SUDS3: variants seen among roughly 807,000 people sequenced by gnomAD.
SUDS3 encodes the protein sin3 histone deacetylase corepressor complex component SDS3.
In SUDS3, 23 loss-of-function variants were observed where a neutral mutation model predicts 53.5. That is an observed-to-expected ratio of 0.43 (90% CI 0.31 to 0.61). The LOEUF (loss-of-function observed/expected upper bound fraction) is 0.61, where lower values mean the gene tolerates loss of function less well. Ranked by LOEUF, SUDS3 falls within the 20% of genes least tolerant of loss-of-function variation. SUDS3 has a pLI of 0.10. For synonymous variants in SUDS3, 150 were observed against 148.5 expected (o/e 1.01, Z -0.08); for missense variants, 291 against 405.9 (o/e 0.72, Z 2.43).
intron 6 of SUDS3, among the ~76,000 whole-genome samples, chr12:118,395,288 C>T (rs1056968611): frequency 2.1e-4 from 30 of 143,700 alleles, no homozygotes; most frequent in Admixed American, 1.6e-3. Context: ...TGCAGTGGCG[C>T]GATCTCGGCT....
At chr12:118,386,284 T>C (rs2046114220) in intron 4 of SUDS3, 99 bp downstream of exon 4, 1 of 907,938 alleles carries the variant, frequency 1.1e-6, no homozygotes, top group Non-Finnish European at 1.7e-6. Context: ...CCAAAACATA[T>C]CCCAGATACT....
At chr12:118,379,039 T>G (rs1566194422) in intron 1 of SUDS3, among the ~76,000 whole-genome samples, 1 of 150,710 alleles carries the variant, frequency 6.6e-6, no homozygotes, top group Non-Finnish European at 1.5e-5. Context: ...CTGGAACTCC[T>G]GTCCTCAGGT....
At position 118,381,557 on chromosome 12, in the gene SUDS3, C is replaced by T. The variant is rs1272007648; in HGVS notation, c.212+1326C>T. ...GCCACCATGCCCGGCTAATAATTTT[C>T]GTATTTTTAATAGAGACGGGGTTTC... On this transcript the variant is annotated intron_variant, in intron 2 of 11. Coordinates refer to ENST00000543473, the MANE Select transcript of SUDS3 (RefSeq NM_022491.3). 3.3e-5 allele frequency among the ~76,000 whole-genome samples: 5 copies of T among 152,068 alleles called. No individual in the cohort carries two copies. In the South Asian group the frequency reaches 8.3e-4, roughly 25 times the overall value.
Position 118,376,681 on chromosome 12 carries a change from T to C in SUDS3, c.-11T>C, listed in dbSNP as rs1219891556. The C allele has an allele frequency of 6.7e-7, 1 of 1,488,186 alleles. No homozygotes were observed. Among genetic ancestry groups the C allele is most frequent in the South Asian group, 1.3e-5 (1 of 78,750 alleles). 92.2% of individuals were successfully genotyped at this position (1,488,186 alleles called of 1,614,324 possible). On this transcript the variant is annotated 5_prime_UTR_variant, in exon 1 of 12. Coordinates refer to ENST00000543473, the MANE Select transcript of SUDS3 (RefSeq NM_022491.3). Reference sequence around the variant, plus strand: ...GTCCGTGGGCCACGCTCAGCTGCGGTCAGAGGCGACATGAGTGCCGCGGGG... The same window carrying C: ...GTCCGTGGGCCACGCTCAGCTGCGGCCAGAGGCGACATGAGTGCCGCGGGG...
chr12:118,385,953 T>C (rs541713681), intron 3 of SUDS3, among the ~76,000 whole-genome samples, 161 bp from the exon 4 acceptor site: 2 of 152,356 alleles, frequency 1.3e-5, no homozygotes, highest in African/African-American at 4.8e-5. Context: ...TGGTTTCTGC[T>C]GTGTGCCTTG....
At chr12:118,399,816 T>G (rs2046248081) in intron 6 of SUDS3, among the ~76,000 whole-genome samples, 2 of 150,824 alleles carry the variant, frequency 1.3e-5, no homozygotes, top group African/African-American at 2.4e-5. Context: ...GAGAACTGAG[T>G]TTTTGTGGGG....
intron 11 of SUDS3, among the ~76,000 whole-genome samples, chr12:118,412,252 T>C (rs372027331): frequency 6.6e-6 from 1 of 152,214 alleles, no homozygotes; most frequent in African/African-American, 2.4e-5. Flanking sequence ...AGTTAAAAAC[T>C]TTAATAGCTG....
At chr12:118,392,211 G>A (rs78432859) in intron 6 of SUDS3, among the ~76,000 whole-genome samples, 4,665 of 152,326 alleles carry the variant, frequency 0.031, 211 homozygotes, top group African/African-American at 0.096. Flanking sequence ...GGGCTCTGGT[G>A]TGTCTGATTT....
intron 7 of SUDS3, 81 bp from the exon 8 acceptor site, chr12:118,401,678 C>T: frequency 8.5e-7 from 1 of 1,179,118 alleles, no homozygotes; most frequent in South Asian, 1.3e-5. Flanking sequence ...TTTGTAAATT[C>T]TAAAATACTG....
chr12:118,390,986 T>G (rs764689029), intron 5 of SUDS3, 140 bp from the exon 6 acceptor site: 4 of 976,898 alleles, frequency 4.1e-6, no homozygotes, highest in Non-Finnish European at 4.9e-6. Flanking sequence ...GAAAGCTTGT[T>G]CTCAGACACA....
rs538998428 is a variant in SUDS3 at position 118,411,013 on chromosome 12, G to A, written c.804-60G>A. The A allele has an allele frequency of 2.3e-4, 318 of 1,390,090 alleles. 2 individuals carry two copies. The African/African-American group carries it at 4.3e-3, about 19-fold the overall frequency. The allele number at this position is 1,390,090 out of a possible 1,614,324, so 86.1% of individuals were successfully genotyped here. ...TTGTGATGGTGTTTTTGTTTTGTTT[G>A]GTTTTTACTTCCTGTCTCTGTCCCT... On this transcript the variant is annotated intron_variant, in intron 10 of 11. Coordinates refer to ENST00000543473, the MANE Select transcript of SUDS3 (RefSeq NM_022491.3).
At chr12:118,384,739 A>C (rs2046098614) in intron 3 of SUDS3, among the ~76,000 whole-genome samples, 1 of 152,076 alleles carries the variant, frequency 6.6e-6, no homozygotes, top group Non-Finnish European at 1.5e-5. Flanking sequence ...AGGCTGAGGC[A>C]GGAGAATAGC....
At chr12:118,402,337 A>G in intron 9 of SUDS3, 1 of 357,204 alleles carries the variant, frequency 2.8e-6, no homozygotes, top group East Asian at 5.6e-5. Context: ...AAGGATTTTT[A>G]AGTATTACTG....
intron 3 of SUDS3, among the ~76,000 whole-genome samples, chr12:118,384,674 A>T (rs959390063): frequency 1.3e-5 from 2 of 152,154 alleles, no homozygotes; most frequent in African/African-American, 4.8e-5. Flanking sequence ...CTACTGAAAA[A>T]TGCAAAAAAT....
At chr12:118,392,063 G>A (rs1241585650) in intron 6 of SUDS3, among the ~76,000 whole-genome samples, 1 of 152,180 alleles carries the variant, frequency 6.6e-6, no homozygotes, top group Admixed American at 6.5e-5. Context: ...AGGATACAGG[G>A]AATTGGCTTG....
chr12:118,386,340 T>C (rs1171501847), intron 4 of SUDS3, among the ~76,000 whole-genome samples, 155 bp downstream of exon 4: 8 of 152,354 alleles, frequency 5.3e-5, no homozygotes, highest in Middle Eastern at 3.4e-3. Flanking sequence ...GCTGCAGTTA[T>C]GGAAAGTGGT....
rs1366865235 is a variant in SUDS3, at chr12:118,408,521, TG to T, written c.804-2547del. Among the ~76,000 whole-genome samples, 6 of 149,768 alleles carry T rather than the reference TG, an allele frequency of 4.0e-5. No individual in the cohort carries two copies. The East Asian group carries it at 1.2e-3, about 30-fold the overall frequency. ...CTAATTTTTGTAATTTTAGTAGAGA[TG>T]GGGGTTTCACCATGTTGGTCGGGCT... is the stretch of plus-strand genomic sequence containing the variant. On this transcript the variant is annotated intron_variant, in intron 10 of 11. Transcript: ENST00000543473.
chr12:118,381,415 C>T (rs899795294), intron 2 of SUDS3, among the ~76,000 whole-genome samples: 2 of 151,946 alleles, frequency 1.3e-5, no homozygotes, highest in African/African-American at 2.4e-5. Flanking sequence ...TGGAGTGTCG[C>T]TTTGTTGCCC....
At position 118,386,321 on chromosome 12, in the gene SUDS3, G is replaced by C; in HGVS notation, c.340+136G>C. ...TGTCAGGGAGAGTTTTCAGAAAAGAGACTTCCAAGCTGCAGTTATGGAAAG... is the reference window on the plus strand; with the variant it reads ...TGTCAGGGAGAGTTTTCAGAAAAGACACTTCCAAGCTGCAGTTATGGAAAG... On this transcript the variant is annotated intron_variant, in intron 4 of 11. Coordinates refer to ENST00000543473, the MANE Select transcript of SUDS3 (RefSeq NM_022491.3). 3 of 729,200 alleles carry C rather than the reference G, an allele frequency of 4.1e-6. No individual in the cohort carries two copies. In the South Asian group the frequency reaches 5.6e-5, roughly 14 times the overall value. The allele number at this position is 729,200 out of a possible 1,614,324, so 45.2% of individuals were successfully genotyped here. A position where few individuals can be genotyped will look rare whatever the true frequency, so the allele number is the denominator to read the frequency against.
Sources: gnomAD v4.1 joint callset for allele counts (sites outside exome capture counted in the v4.1 genomes callset) on GRCh38, gnomAD v4.1.1 for gene constraint, MANE v1.5 for transcripts, NCBI Gene and HGNC (gene_info 2026-07-23, HGNC 2026-07-21) for gene names.